ARHGAP15: variants seen among roughly 807,000 people sequenced by gnomAD.
The protein encoded by ARHGAP15 is rho GTPase-activating protein 15.
In ARHGAP15, 51 loss-of-function variants were observed where a neutral mutation model predicts 63.7. The observed-to-expected ratio is 0.80, with a 90% CI of 0.64 to 1.01. The LOEUF is 1.01. Among genes scored for constraint, ARHGAP15 ranks in the 50% least tolerant of loss-of-function variants. The pLI is 0.00. For synonymous variants in ARHGAP15, 191 were observed against 193.8 expected (o/e 0.99, Z 0.12); for missense variants, 560 against 564.6 (o/e 0.99, Z 0.08).
chr2:143,599,488 A>T (rs1697674530), intron 11 of ARHGAP15, among the ~76,000 whole-genome samples: 1 of 152,106 alleles, frequency 6.6e-6, no homozygotes, highest in Non-Finnish European at 1.5e-5. Context: ...GCTTGAAATC[A>T]GGAGTTCGAG....
chr2:143,420,535 A>G (rs553190382), intron 6 of ARHGAP15, among the ~76,000 whole-genome samples: 5 of 152,288 alleles, frequency 3.3e-5, no homozygotes, highest in African/African-American at 1.2e-4. Flanking sequence ...AAGGATGAGT[A>G]ATTTTTACTA....
intron 6 of ARHGAP15, among the ~76,000 whole-genome samples, chr2:143,332,180 C>A (rs1684578001): frequency 1.3e-5 from 2 of 152,058 alleles, no homozygotes. Context: ...AAATTGATGT[C>A]CTGGGAACTG....
At chr2:143,252,430 A>G (rs1482914701) in intron 6 of ARHGAP15, among the ~76,000 whole-genome samples, 2 of 152,070 alleles carry the variant, frequency 1.3e-5, no homozygotes, top group Non-Finnish European at 2.9e-5. Flanking sequence ...ATTAAAAACT[A>G]TTCTCACTTT....
intron 5 of ARHGAP15, among the ~76,000 whole-genome samples, chr2:143,243,350 A>C (rs1693935043): frequency 1.3e-5 from 2 of 152,194 alleles, no homozygotes; most frequent in African/African-American, 4.8e-5. Flanking sequence ...CCTAGGGTCA[A>C]TTTTTAATGA....
At chr2:143,718,665 G>A (rs1574885022) in intron 13 of ARHGAP15, among the ~76,000 whole-genome samples, 1 of 151,802 alleles carries the variant, frequency 6.6e-6, no homozygotes, top group South Asian at 2.1e-4. Flanking sequence ...TTTTTCCACT[G>A]TTCTCTACCT....
chr2:143,640,288 G>A (rs72858001), intron 12 of ARHGAP15, among the ~76,000 whole-genome samples: 28,324 of 151,892 alleles, frequency 0.19, 2,854 homozygotes, highest in South Asian at 0.26. Flanking sequence ...ACTGAAATGG[G>A]GAATCAGAAG....
intron 9 of ARHGAP15, among the ~76,000 whole-genome samples, chr2:143,514,533 C>T (rs1693722192): frequency 1.3e-5 from 2 of 152,206 alleles, no homozygotes; most frequent in South Asian, 4.1e-4. Context: ...TGCCAACCCT[C>T]TTTGTTTTCA....
intron 11 of ARHGAP15, among the ~76,000 whole-genome samples, chr2:143,581,162 G>A (rs549771190): frequency 6.6e-6 from 1 of 152,186 alleles, no homozygotes; most frequent in East Asian, 1.9e-4. Context: ...CATACTCGAT[G>A]GACTAATTAG....
chr2:143,287,574 G>A (rs1052170365), intron 6 of ARHGAP15, among the ~76,000 whole-genome samples: 1 of 152,050 alleles, frequency 6.6e-6, no homozygotes, highest in Non-Finnish European at 1.5e-5. Context: ...GGGAGGCCGA[G>A]GCAGGTGGAT....
intron 6 of ARHGAP15, among the ~76,000 whole-genome samples, chr2:143,397,164 C>A (rs1434426716): frequency 1.3e-5 from 2 of 152,090 alleles, no homozygotes; most frequent in African/African-American, 2.4e-5. Context: ...GAGAATACAA[C>A]TGGGGTCAGA....
chr2:143,447,518 T>C (rs1331429666), intron 8 of ARHGAP15, among the ~76,000 whole-genome samples: 1 of 152,174 alleles, frequency 6.6e-6, no homozygotes, highest in Non-Finnish European at 1.5e-5. Context: ...TTGTGATATC[T>C]GAGTTCTGGG....
At chr2:143,304,960 G>A (rs1001111303) in intron 6 of ARHGAP15, among the ~76,000 whole-genome samples, 2 of 152,002 alleles carry the variant, frequency 1.3e-5, no homozygotes, top group Non-Finnish European at 2.9e-5. Context: ...ATTGGACCTA[G>A]CAATCCCATT....
chr2:143,403,986 G>A (rs1467888097), intron 6 of ARHGAP15, among the ~76,000 whole-genome samples: 1 of 151,602 alleles, frequency 6.6e-6, no homozygotes, highest in Admixed American at 6.6e-5. Flanking sequence ...TCAAGTGAGA[G>A]TAGATTGCAA....
intron 9 of ARHGAP15, among the ~76,000 whole-genome samples, chr2:143,516,958 G>T (rs11894012): frequency 0.49 from 73,716 of 151,798 alleles, 18,323 homozygotes; most frequent in African/African-American, 0.58. Flanking sequence ...GTTGTTGTTG[G>T]TGTTGTTTTG....
Position 143,311,286 on chromosome 2 carries a change from C to CTTT in ARHGAP15, c.474+60696_474+60698dup, listed in dbSNP as rs200487179. ...TATAAACTTAATCCTCTTCCCCTCC[C>CTTT]TTTTTTTTTTTTGTATTTAGCTTTT... On this transcript the variant is annotated intron_variant, in intron 6 of 13. Coordinates refer to ENST00000295095, the MANE Select transcript of ARHGAP15 (RefSeq NM_018460.4). 7.2e-4 allele frequency among the ~76,000 whole-genome samples: 105 copies of CTTT among 145,896 alleles called. No individual in the cohort carries two copies. The South Asian group carries it at 7.5e-3, about 10-fold the overall frequency.
intron 10 of ARHGAP15, among the ~76,000 whole-genome samples, chr2:143,554,067 C>A (rs1469524494): frequency 6.6e-6 from 1 of 152,052 alleles, no homozygotes; most frequent in Non-Finnish European, 1.5e-5. Context: ...TTTTTAAAAA[C>A]ACACAATGTT....
At chr2:143,353,173 T>A (rs1225066576) in intron 6 of ARHGAP15, among the ~76,000 whole-genome samples, 1 of 152,172 alleles carries the variant, frequency 6.6e-6, no homozygotes, top group Non-Finnish European at 1.5e-5. Flanking sequence ...ATGTTTGTAG[T>A]TCCAGCTACA....
At chr2:143,308,950 A>G (rs1172875815) in intron 6 of ARHGAP15, among the ~76,000 whole-genome samples, 3 of 150,862 alleles carry the variant, frequency 2.0e-5, no homozygotes, top group Non-Finnish European at 4.4e-5. Flanking sequence ...AAAAAAAAAA[A>G]AAAAAAGGAA....
intron 10 of ARHGAP15, among the ~76,000 whole-genome samples, chr2:143,522,516 C>T (rs1694098332): frequency 6.6e-6 from 1 of 152,064 alleles, no homozygotes. Flanking sequence ...ATTCTTAATT[C>T]ATATCCTGGG....
Sources: allele counts gnomAD v4.1 joint callset (sites outside exome capture counted in the v4.1 genomes callset), GRCh38; gene constraint gnomAD v4.1.1; transcripts MANE v1.5; gene names NCBI Gene and HGNC (gene_info 2026-07-23, HGNC 2026-07-21).